Variants in MEGF11 observed in about 807,000 individuals in gnomAD.
MEGF11 encodes the protein multiple EGF like domains 11, also known as multiple epidermal growth factor-like domains protein 11.
In MEGF11, 126 loss-of-function variants were observed where a neutral mutation model predicts 146.6. The ratio of observed to expected loss-of-function variants is 0.86; its 90% CI spans 0.74 to 1.00. MEGF11 has a LOEUF of 1.00. Among genes scored for constraint, MEGF11 ranks in the 50% least tolerant of loss-of-function variants. The pLI is 0.00. For missense variants in MEGF11, 1,509 were observed against 1,521.2 expected, an observed-to-expected ratio of 0.99 and a Z score of 0.13; for synonymous variants, 532 against 583.4, an observed-to-expected ratio of 0.91 and a Z score of 1.27.
rs889061580 is a variant in MEGF11, at chr15:65,968,489, G to C, written c.899+2064C>G. Among the ~76,000 whole-genome samples the C allele has an allele frequency of 5.9e-5, 9 of 152,212 alleles. No individual in the cohort carries two copies. In the East Asian group the frequency reaches 1.7e-3, roughly 29 times the overall value. ...ATTCCCTAGCCCACTATATTTTTGG[G>C]GTGCCTGGATCTACAGCCCCAGAAA... On this transcript the variant is annotated intron_variant, in intron 8 of 25. Transcript: ENST00000395614.
At chr15:66,140,635 A>G (rs2089100026) in intron 1 of MEGF11, among the ~76,000 whole-genome samples, 2 of 152,214 alleles carry the variant, frequency 1.3e-5, no homozygotes, top group African/African-American at 4.8e-5. Context: ...ATAGGGTAGG[A>G]AGAACGGGAG....
At chr15:66,174,027 T>A (rs2090330764) in intron 1 of MEGF11, among the ~76,000 whole-genome samples, 1 of 152,242 alleles carries the variant, frequency 6.6e-6, no homozygotes, top group Non-Finnish European at 1.5e-5. Context: ...CCTCTCCCTG[T>A]GTTTCAAGGC....
At chr15:66,119,579 G>A (rs956286570) in intron 3 of MEGF11, among the ~76,000 whole-genome samples, 4 of 148,962 alleles carry the variant, frequency 2.7e-5, no homozygotes, top group Non-Finnish European at 4.5e-5. Context: ...TTCTGTGCCC[G>A]CCCTGTCCCA....
chr15:65,898,081 A>G lies in MEGF11; in HGVS notation c.3276T>C (p.Ser1092=). ...TATGACCGCAACCTTCTTGGACCAC[A>G]CTGACTGTGGGCTCTAAGAAATATA... ...KNIYEVEPTV[S]VVQEGCGHNS... is the part of the protein sequence containing the mutation. Residue 1092 remains serine (S), a synonymous_variant, in exon 26 of 26, where the codon AGT becomes AGC. Coordinates refer to ENST00000395614, the MANE Select transcript of MEGF11 (RefSeq NM_001385028.1). 1.2e-6 allele frequency: 2 copies of G among 1,613,592 alleles called. No individual in the cohort carries two copies. Among genetic ancestry groups the G allele is most frequent in the Non-Finnish European group, 1.7e-6 (2 of 1,179,678 alleles).
At chr15:65,938,273 A>AG (rs1427970366) in intron 10 of MEGF11, among the ~76,000 whole-genome samples, 1 of 152,256 alleles carries the variant, frequency 6.6e-6, no homozygotes, top group Non-Finnish European at 1.5e-5. Flanking sequence ...AAGATCACAC[A>AG]GCCAATGCAA....
intron 11 of MEGF11, 137 bp downstream of exon 11, chr15:65,930,686 C>G: frequency 1.8e-6 from 2 of 1,113,068 alleles, no homozygotes; most frequent in Non-Finnish European, 2.5e-6. Context: ...GCCTGGAACC[C>G]AACCAATATA....
At chr15:65,914,030 C>G (rs1268293386) in intron 19 of MEGF11, 57 bp from the exon 20 acceptor site, 1 of 1,416,478 alleles carries the variant, frequency 7.1e-7, no homozygotes, top group African/African-American at 1.4e-5. Context: ...TTCAGGTCTC[C>G]TGGGCCTGGG....
At chr15:65,914,390 G>GCTC (rs2078922686) in intron 19 of MEGF11, among the ~76,000 whole-genome samples, 1 of 152,142 alleles carries the variant, frequency 6.6e-6, no homozygotes, top group Non-Finnish European at 1.5e-5. Flanking sequence ...ATTGAACACA[G>GCTC]CTCCTCTCCC....
chr15:66,161,666 A>T (rs1301792876), intron 1 of MEGF11, among the ~76,000 whole-genome samples: 2 of 151,898 alleles, frequency 1.3e-5, no homozygotes, highest in Non-Finnish European at 2.9e-5. Context: ...GTGCTGGGGG[A>T]TTACAGTCAT....
chr15:66,120,109 C>T (rs1247269649), intron 3 of MEGF11, among the ~76,000 whole-genome samples: 1 of 152,208 alleles, frequency 6.6e-6, no homozygotes, highest in African/African-American at 2.4e-5. Flanking sequence ...TCAAACCTAG[C>T]TCACTCCAAT....
chr15:66,058,824 A>G (rs1181670844), intron 5 of MEGF11, among the ~76,000 whole-genome samples: 1 of 152,046 alleles, frequency 6.6e-6, no homozygotes, highest in East Asian at 1.9e-4. Context: ...TAGCTGATAC[A>G]CTTTGAGATG....
intron 7 of MEGF11, 45 bp downstream of exon 7, chr15:65,980,733 G>T: frequency 6.5e-7 from 1 of 1,539,122 alleles, no homozygotes; most frequent in Non-Finnish European, 8.7e-7. Context: ...AGTGATGAAG[G>T]CTCAGCCCTC....
intron 1 of MEGF11, among the ~76,000 whole-genome samples, chr15:66,251,578 G>T (rs1006351646): frequency 3.9e-5 from 6 of 152,150 alleles, no homozygotes; most frequent in Admixed American, 1.3e-4. Flanking sequence ...CCAGAGACAG[G>T]TCCTCTGCCT....
At chr15:65,903,325 G>A (rs1322525578) in intron 24 of MEGF11, among the ~76,000 whole-genome samples, 1 of 152,198 alleles carries the variant, frequency 6.6e-6, no homozygotes, top group Non-Finnish European at 1.5e-5. Context: ...AATTGAACAC[G>A]AGGCAGTTTG....
chr15:65,930,024 G>C (rs771087069), intron 11 of MEGF11, 141 bp from the exon 12 acceptor site: 27 of 844,038 alleles, frequency 3.2e-5, no homozygotes, highest in Admixed American at 1.1e-4. Context: ...ATTCCACACA[G>C]AGTTCAGAAA....
chr15:66,129,732 C>G (rs982957407), intron 1 of MEGF11, among the ~76,000 whole-genome samples: 3 of 152,198 alleles, frequency 2.0e-5, no homozygotes, highest in Non-Finnish European at 4.4e-5. Flanking sequence ...TGCCATTCTT[C>G]TGAAAGGTCA....
chr15:66,181,960 TCTG>T (rs1038209352), intron 1 of MEGF11, among the ~76,000 whole-genome samples: 3 of 152,166 alleles, frequency 2.0e-5, no homozygotes, highest in African/African-American at 7.2e-5. Flanking sequence ...AGCCAGACCT[TCTG>T]CCCAAGCCCC....
chr15:65,929,715 C>G lies in MEGF11; in HGVS notation c.1572+5G>C, dbSNP rs774244499. On this transcript the variant is annotated splice_donor_5th_base_variant and intron_variant, in intron 12 of 25. Transcript: ENST00000395614. ...CAACCTGTCCCTCCCCACCCTGGCA[C>G]TCACCGGGCAAGGCAGCTCACAGGT... 1.9e-6 allele frequency: 3 copies of G among 1,549,780 alleles called. No individual in the cohort carries two copies. The South Asian group carries it at 3.6e-5, about 18-fold the overall frequency.
At chr15:66,153,978 G>A (rs74697753) in intron 1 of MEGF11, among the ~76,000 whole-genome samples, 3,658 of 152,310 alleles carry the variant, frequency 0.024, 141 homozygotes, top group African/African-American at 0.085. Flanking sequence ...CCCTGGTGAC[G>A]GGTATCAACA....
Sources: gnomAD v4.1 joint callset for allele counts (sites outside exome capture counted in the v4.1 genomes callset) on GRCh38, gnomAD v4.1.1 for gene constraint, MANE v1.5 for transcripts, NCBI Gene and HGNC (gene_info 2026-07-23, HGNC 2026-07-21) for gene names.